The following AK5 variants were observed in gnomAD, a reference collection of about 807,000 sequenced individuals.
AK5 encodes the protein adenylate kinase 5, also known as adenylate kinase isoenzyme 5.
AK5 carries 27 observed loss-of-function variants against 69.5 expected under a neutral mutation model. The ratio of observed to expected loss-of-function variants is 0.39; its 90% CI spans 0.29 to 0.54. The LOEUF is 0.54. Ranked by LOEUF, AK5 falls within the 20% of genes least tolerant of loss-of-function variation. AK5 has a pLI of 0.71. For synonymous variants in AK5, 260 were observed against 244.4 expected (o/e 1.06, Z -0.60); for missense variants, 531 against 700.4 (o/e 0.76, Z 2.73).
chr1:77,521,284 C>T (rs1055009100), intron 11 of AK5, among the ~76,000 whole-genome samples: 4 of 152,024 alleles, frequency 2.6e-5, no homozygotes, highest in East Asian at 1.9e-4. Flanking sequence ...CAGGTGCCCA[C>T]GGCAATGCCC....
In AK5 at chr1:77,538,773, C is replaced by CT. The variant is rs372848495; in HGVS notation, c.1620+2736dup. On this transcript the variant is annotated intron_variant, in intron 13 of 13. Transcript: ENST00000354567. ...TTTAGAGTTGGAAAATCCCTCTTAG[C>CT]TCTCTGTTGTATTATTCCAACCTGA... Among the ~76,000 whole-genome samples the CT allele has an allele frequency of 7.8e-3, 1,195 of 152,304 alleles. 26 individuals are homozygous for CT. Among genetic ancestry groups the CT allele is most frequent in the African/African-American group, 0.027 (1,135 of 41,552 alleles).
At chr1:77,413,927 C>A (rs990827383) in intron 7 of AK5, among the ~76,000 whole-genome samples, 1 of 152,184 alleles carries the variant, frequency 6.6e-6, no homozygotes, top group African/African-American at 2.4e-5. Context: ...GTTCTAGTCC[C>A]AAATACCGTC....
chr1:77,322,278 C>CT (rs1239235779), intron 5 of AK5, among the ~76,000 whole-genome samples: 40 of 150,970 alleles, frequency 2.6e-4, no homozygotes, highest in African/African-American at 8.0e-4. Context: ...TTTTTTTCTT[C>CT]TTTTTTTTTC....
Position 77,486,330 on chromosome 1 carries a change from G to C in AK5, c.1125G>C (p.Lys375Asn), listed in dbSNP as rs1655587678. The change falls in exon 10 of 14, where the codon AAG becomes AAC. Residue 375 changes from lysine (K) to asparagine (N), a missense_variant. Physicochemically the swap from Lys to Asn is moderately conservative, Grantham distance 94. Coordinates refer to ENST00000354567, the MANE Select transcript of AK5 (RefSeq NM_174858.3). ...AAGGTTTCATGGAAGATTTGAGAAA[G>C]TGTAAAATTATTTTCATAATTGGTG... is the stretch of plus-strand genomic sequence containing the variant. The part of the protein sequence containing the change: ...TMGGFMEDLR[K>N]CKIIFIIGGP... 1 of 1,579,358 alleles carries C rather than the reference G, an allele frequency of 6.3e-7. No homozygotes were observed. The highest frequency in any genetic ancestry group is 8.7e-7 in the Non-Finnish European group (1 of 1,151,532).
At chr1:77,402,542 G>A (rs1188477052) in intron 6 of AK5, among the ~76,000 whole-genome samples, 5 of 150,524 alleles carry the variant, frequency 3.3e-5, no homozygotes, top group South Asian at 2.1e-4. Flanking sequence ...GAGAACATGC[G>A]GTGTTTGGTT....
At position 77,460,443 on chromosome 1, in the gene AK5, T is replaced by C. The variant is rs540331382; in HGVS notation, c.1060-22874T>C. Reference sequence around the variant, plus strand: ...ATTAGAACATACATTTGTTTGTTCATAGACTTTGGCTCCAGTAAAAATGAA... The same window carrying C: ...ATTAGAACATACATTTGTTTGTTCACAGACTTTGGCTCCAGTAAAAATGAA... On this transcript the variant is annotated intron_variant, in intron 8 of 13. Transcript: ENST00000354567. Among the ~76,000 whole-genome samples, 86 of 152,366 alleles carry C rather than the reference T, an allele frequency of 5.6e-4. 1 individual carries two copies. Among genetic ancestry groups the C allele is most frequent in the Admixed American group, 2.2e-3 (33 of 15,302 alleles).
intron 13 of AK5, among the ~76,000 whole-genome samples, chr1:77,539,192 C>G (rs565171968): frequency 4.6e-5 from 7 of 152,298 alleles, no homozygotes; most frequent in Admixed American, 6.5e-5. Flanking sequence ...CGGATGACTC[C>G]ACGTTGGTTC....
At chr1:77,527,474 G>T (rs1195715753) in intron 12 of AK5, among the ~76,000 whole-genome samples, 1 of 152,108 alleles carries the variant, frequency 6.6e-6, no homozygotes, top group Admixed American at 6.5e-5. Context: ...TAGAACTAAG[G>T]AACAAGAAAG....
intron 13 of AK5, among the ~76,000 whole-genome samples, chr1:77,541,400 G>A (rs1173501772): frequency 1.3e-5 from 2 of 152,192 alleles, no homozygotes; most frequent in Non-Finnish European, 2.9e-5. Context: ...CTCAACTGGC[G>A]AGATCCTGTT....
At chr1:77,396,412 T>C (rs1204900356) in intron 6 of AK5, among the ~76,000 whole-genome samples, 1 of 152,210 alleles carries the variant, frequency 6.6e-6, no homozygotes, top group Admixed American at 6.5e-5. Flanking sequence ...GGCTATTAAG[T>C]TGTTAAACAA....
intron 6 of AK5, among the ~76,000 whole-genome samples, chr1:77,391,495 G>GTGTGTGTATATATATATATATA (rs1425180466): frequency 1.6e-5 from 1 of 63,452 alleles, no homozygotes; most frequent in Non-Finnish European, 3.2e-5. Flanking sequence ...GTGTGTGTGT[G>GTGTGTGTATATATATATATATA]TATATATATA....
chr1:77,295,429 G>A lies in AK5; in HGVS notation c.415+1469G>A, dbSNP rs574535193. Among the ~76,000 whole-genome samples the A allele has an allele frequency of 2.0e-5, 3 of 152,278 alleles. No homozygotes were observed. In the South Asian group the frequency reaches 6.2e-4, roughly 32 times the overall value. Reference sequence around the variant, plus strand: ...TTGAATTGTTAAAAACAAAATTACAGAAAGAGAGTTTAAAGTCAGTTTTTG... The same window carrying A: ...TTGAATTGTTAAAAACAAAATTACAAAAAGAGAGTTTAAAGTCAGTTTTTG... On this transcript the variant is annotated intron_variant, in intron 3 of 13. Transcript: ENST00000354567.
intron 5 of AK5, among the ~76,000 whole-genome samples, chr1:77,320,953 A>T (rs1297431958): frequency 6.6e-6 from 1 of 152,226 alleles, no homozygotes; most frequent in African/African-American, 2.4e-5. Flanking sequence ...TCAAAAATTG[A>T]TAGAAATAAA....
chr1:77,533,439 C>A (rs1658760545), intron 12 of AK5, among the ~76,000 whole-genome samples: 1 of 145,008 alleles, frequency 6.9e-6, no homozygotes, highest in Non-Finnish European at 1.5e-5. Context: ...TTGCTTGAAC[C>A]TGGGAGGCAG....
intron 6 of AK5, among the ~76,000 whole-genome samples, chr1:77,387,872 C>T (rs1648137073): frequency 2.0e-5 from 3 of 152,138 alleles, no homozygotes; most frequent in Admixed American, 2.0e-4. Context: ...AATAATCATC[C>T]TTTCATTTAT....
chr1:77,423,901 T>A (rs1382251873), intron 8 of AK5, among the ~76,000 whole-genome samples: 1 of 152,200 alleles, frequency 6.6e-6, no homozygotes, highest in South Asian at 2.1e-4. Flanking sequence ...AAGAAACTAC[T>A]TTACCAGGGC....
intron 8 of AK5, among the ~76,000 whole-genome samples, chr1:77,418,374 G>A (rs1650568155): frequency 1.3e-5 from 2 of 152,120 alleles, no homozygotes; most frequent in Admixed American, 1.3e-4. Context: ...ATCTCCCACT[G>A]GCTCCCTCTC....
At chr1:77,298,903 G>A (rs1055608649) in intron 5 of AK5, among the ~76,000 whole-genome samples, 79 of 152,186 alleles carry the variant, frequency 5.2e-4, no homozygotes, top group Admixed American at 4.2e-3. Flanking sequence ...TCTGTAAAAC[G>A]TGAAAGTCCA....
At chr1:77,527,880 C>A in intron 12 of AK5, among the ~76,000 whole-genome samples, 1 of 152,134 alleles carries the variant, frequency 6.6e-6, no homozygotes, top group Non-Finnish European at 1.5e-5. Context: ...ACTAACATGG[C>A]GAAACCCCGT....
Sources: allele counts gnomAD v4.1 joint callset (sites outside exome capture counted in the v4.1 genomes callset), GRCh38; gene constraint gnomAD v4.1.1; transcripts MANE v1.5; gene names NCBI Gene and HGNC (gene_info 2026-07-23, HGNC 2026-07-21).